BEGAIN: variants seen among roughly 807,000 people sequenced by gnomAD.
BEGAIN encodes brain enriched guanylate kinase associated, also known as brain-enriched guanylate kinase-associated protein.
In BEGAIN, 19 loss-of-function variants were observed where a neutral mutation model predicts 35.8. The observed-to-expected ratio is 0.53, with a 90% CI of 0.37 to 0.78. BEGAIN has a LOEUF of 0.78. BEGAIN is among the 30% of genes least tolerant of loss of function. The pLI is 0.00. For synonymous variants in BEGAIN, 462 were observed against 388.6 expected, an observed-to-expected ratio of 1.19 and a Z score of -2.22; for missense variants, 795 against 853.6, an observed-to-expected ratio of 0.93 and a Z score of 0.85.
rs1281517998 is a variant in BEGAIN, at chr14:100,568,314, G to T, written c.43-375C>A. On this transcript the variant is annotated intron_variant, in intron 1 of 6. Coordinates refer to ENST00000554140, the MANE Select transcript of BEGAIN (RefSeq NM_001385089.1). The surrounding 1 kb of genome is among the most constrained non-coding windows in gnomAD (Gnocchi z 7.5). ...CGGCCGCGGCCCCGCTGCTCCCCCC[G>T]CCCCGCCCGTTAACCCTTCCTGCCC... 5.5e-6 allele frequency: 1 copy of T among 181,738 alleles called. No homozygotes were observed. Among genetic ancestry groups the T allele is most frequent in the South Asian group, 5.3e-5 (1 of 18,862 alleles). The allele number at this position is 181,738 out of a possible 1,614,324, so 11.3% of individuals were successfully genotyped here. A position where few individuals can be genotyped will look rare whatever the true frequency, so the allele number is the denominator to read the frequency against.
At chr14:100,565,599 C>A (rs992069663) in intron 2 of BEGAIN, among the ~76,000 whole-genome samples, 1 of 152,136 alleles carries the variant, frequency 6.6e-6, no homozygotes, top group Non-Finnish European at 1.5e-5. Flanking sequence ...ACAGACCCAG[C>A]CTGTGATGTG....
chr14:100,583,665 T>C (rs1038510365), intron 1 of BEGAIN, among the ~76,000 whole-genome samples: 17 of 150,488 alleles, frequency 1.1e-4, no homozygotes, highest in Admixed American at 2.7e-4. Context: ...TTTTCTTTCT[T>C]TCTCTCTCTC....
chr14:100,550,807 C>T (rs186583863), intron 2 of BEGAIN, among the ~76,000 whole-genome samples: 228 of 152,338 alleles, frequency 1.5e-3, no homozygotes, highest in African/African-American at 5.2e-3. Flanking sequence ...ACTGGTCACT[C>T]GCTCAGTGCC....
intron 1 of BEGAIN, chr14:100,578,054 T>A: frequency 2.5e-6 from 1 of 398,284 alleles, no homozygotes; most frequent in Non-Finnish European, 4.4e-6. Flanking sequence ...GGGCTGTGCC[T>A]CCCGTCCTCA....
At chr14:100,584,800 A>G (rs1313175824) in intron 1 of BEGAIN, among the ~76,000 whole-genome samples, 4 of 152,126 alleles carry the variant, frequency 2.6e-5, no homozygotes, top group Non-Finnish European at 5.9e-5. Context: ...ACCTCCGTCC[A>G]GGCCTCTCCA....
chr14:100,563,553 G>C lies in BEGAIN; in HGVS notation c.71+4358C>G, dbSNP rs1415956184. 1.3e-5 allele frequency among the ~76,000 whole-genome samples: 2 copies of C among 152,240 alleles called. No individual in the cohort carries two copies. Among genetic ancestry groups the C allele is most frequent in the Non-Finnish European group, 2.9e-5 (2 of 68,050 alleles). Reference sequence around the variant, plus strand: ...AACACCTTGGTAGAAAATGCGCACGGCCTTCGCCGGTGAGGAAACCCAGCG... The same window carrying C: ...AACACCTTGGTAGAAAATGCGCACGCCCTTCGCCGGTGAGGAAACCCAGCG... On this transcript the variant is annotated intron_variant, in intron 2 of 6. Coordinates refer to ENST00000554140, the MANE Select transcript of BEGAIN (RefSeq NM_001385089.1). This position sits in a 1 kb window ranked among gnomAD's most constrained non-coding sequence, Gnocchi z 4.2.
chr14:100,546,650 C>T lies in BEGAIN; in HGVS notation c.84G>A (p.Glu28=). The change falls in exon 3 of 7, where the codon GAG becomes GAA. Residue 28 remains glutamate, a synonymous_variant. Coordinates refer to ENST00000554140, the MANE Select transcript of BEGAIN (RefSeq NM_001385089.1). ...GCCGCTTGCGCAGCTCGCCCTTCTG[C>T]TCCTGCAGCGCGCTGCAACGACATG... The part of the protein sequence containing the change: ...ADMEKLSALQ[E]QKGELRKRLS... 1 of 1,569,812 alleles carries T rather than the reference C, an allele frequency of 6.4e-7. No homozygotes were observed.
In BEGAIN at chr14:100,568,931, C is replaced by CT; in HGVS notation, c.43-993dup. The stretch of plus-strand genomic sequence containing the variant: ...GACTGATGACTGCCCATCCCGGCCC[C>CT]TCGCGCCGGGCGCCGCCGCCGCGTC... On this transcript the variant is annotated intron_variant, in intron 1 of 6. Transcript: ENST00000554140. The surrounding 1 kb of genome is among the most constrained non-coding windows in gnomAD (Gnocchi z 7.5). 7 of 983,914 alleles carry CT rather than the reference C, an allele frequency of 7.1e-6. No homozygotes were observed. The highest frequency in any genetic ancestry group is 8.4e-6 in the Non-Finnish European group (7 of 829,506). The allele number at this position is 983,914 out of a possible 1,614,324, so 60.9% of individuals were successfully genotyped here. A position where few individuals can be genotyped will look rare whatever the true frequency, so the allele number is the denominator to read the frequency against.
Position 100,538,622 on chromosome 14 carries a change from C to A in BEGAIN, c.1186G>T (p.Ala396Ser). The change falls in exon 7 of 7, where the codon GCC becomes TCC. Residue 396 changes from alanine (A) to serine (S), a missense_variant. Ala to Ser is a moderately conservative substitution (Grantham distance 99, BLOSUM62 1). Coordinates refer to ENST00000554140, the MANE Select transcript of BEGAIN (RefSeq NM_001385089.1). Reference protein sequence around the residue: ...GFGRTMSPYPAETFRFPASPG... With the variant: ...GFGRTMSPYPSETFRFPASPG... ...GAGGCCGGGAAGCGGAAGGTCTCGG[C>A]CGGGTACGGTGACATGGTCCGCCCG... is the stretch of plus-strand genomic sequence containing the variant. The A allele has an allele frequency of 6.5e-7, 1 of 1,549,136 alleles. No individual in the cohort carries two copies. The highest frequency in any genetic ancestry group is 8.7e-7 in the Non-Finnish European group (1 of 1,146,120).
Position 100,567,807 on chromosome 14 carries a change from C to T in BEGAIN, c.71+104G>A. ...AGCCCCGCCGAGGCCGCCCGCGGGC[C>T]CTGGGGGATGCGCTCGGGTGGAGCC... On this transcript the variant is annotated intron_variant, in intron 2 of 6. Transcript: ENST00000554140. The surrounding 1 kb of genome is among the most constrained non-coding windows in gnomAD (Gnocchi z 5.1). 3.2e-6 allele frequency: 4 copies of T among 1,247,772 alleles called. No homozygotes were observed. Among genetic ancestry groups the T allele is most frequent in the Admixed American group, 3.1e-5 (1 of 32,042 alleles). 77.3% of individuals were successfully genotyped at this position (1,247,772 alleles called of 1,614,324 possible).
At position 100,558,308 on chromosome 14, in the gene BEGAIN, C is replaced by T. The variant is rs781265889; in HGVS notation, c.71+9603G>A. On this transcript the variant is annotated intron_variant, in intron 2 of 6. Transcript: ENST00000554140. This position sits in a 1 kb window ranked among gnomAD's most constrained non-coding sequence, Gnocchi z 4.6. ...CGAACTGGTCCTGTCTCAGCCTTCA[C>T]CTGACCTGCGCCCTCAGCAGCCAGG... Among the ~76,000 whole-genome samples the T allele has an allele frequency of 1.3e-5, 2 of 152,204 alleles. No homozygotes were observed. Among genetic ancestry groups the T allele is most frequent in the African/African-American group, 4.8e-5 (2 of 41,438 alleles).
chr14:100,579,034 T>C (rs2035263153), intron 1 of BEGAIN, among the ~76,000 whole-genome samples: 1 of 152,276 alleles, frequency 6.6e-6, no homozygotes, highest in East Asian at 1.9e-4. Flanking sequence ...CTAATTTTTG[T>C]ATTTTTTGTA....
chr14:100,564,869 C>T (rs1056030130), intron 2 of BEGAIN, among the ~76,000 whole-genome samples: 8 of 152,228 alleles, frequency 5.3e-5, no homozygotes, highest in Admixed American at 5.2e-4. Flanking sequence ...CTCCCCACCC[C>T]TTACCTGTCT....
At chr14:100,539,652 C>T (rs1374868744) in intron 6 of BEGAIN, among the ~76,000 whole-genome samples, 1 of 152,042 alleles carries the variant, frequency 6.6e-6, no homozygotes, top group African/African-American at 2.4e-5. Context: ...GGCTCCACCC[C>T]CCGCCACCCC....
At chr14:100,557,592 A>G (rs112444358) in intron 2 of BEGAIN, among the ~76,000 whole-genome samples, 1,658 of 152,212 alleles carry the variant, frequency 0.011, 52 homozygotes, top group African/African-American at 0.038. Flanking sequence ...TGACGGCATT[A>G]TGGCCTCCTC....
chr14:100,586,707 C>A lies in BEGAIN; in HGVS notation c.42+542G>T, dbSNP rs1187519900. ...GGAGGATAGTACCTGCCGCGAGGTA[C>A]TGAATGGGATGGTGGTGTCCGAGGT... On this transcript the variant is annotated intron_variant, in intron 1 of 6. Transcript: ENST00000554140. This position sits in a 1 kb window ranked among gnomAD's most constrained non-coding sequence, Gnocchi z 4.9. Among the ~76,000 whole-genome samples the A allele has an allele frequency of 1.3e-5, 2 of 152,226 alleles. No homozygotes were observed. The highest frequency in any genetic ancestry group is 4.8e-5 in the African/African-American group (2 of 41,470).
At chr14:100,569,542 G>C (rs1273836820) in intron 1 of BEGAIN, 1 of 153,200 alleles carries the variant, frequency 6.5e-6, no homozygotes, top group African/African-American at 2.4e-5. Context: ...GTCTTTCCTG[G>C]CCCTTTCCCC....
chr14:100,554,206 T>C (rs2033482330), intron 2 of BEGAIN, among the ~76,000 whole-genome samples: 1 of 152,120 alleles, frequency 6.6e-6, no homozygotes, highest in African/African-American at 2.4e-5. Flanking sequence ...GCTGAGCAGG[T>C]TCCTGGAGGC....
rs989554598 is a variant in BEGAIN at position 100,586,687 on chromosome 14, A to C, written c.42+562T>G. On this transcript the variant is annotated intron_variant, in intron 1 of 6. Coordinates refer to ENST00000554140, the MANE Select transcript of BEGAIN (RefSeq NM_001385089.1). This position sits in a 1 kb window ranked among gnomAD's most constrained non-coding sequence, Gnocchi z 4.9. The stretch of plus-strand genomic sequence containing the variant: ...TCCTCGCCTGTAAAGGGGCAGGAGG[A>C]TAGTACCTGCCGCGAGGTACTGAAT... Among the ~76,000 whole-genome samples, 4 of 152,154 alleles carry C rather than the reference A, an allele frequency of 2.6e-5. No homozygotes were observed. The highest frequency in any genetic ancestry group is 5.9e-5 in the Non-Finnish European group (4 of 68,022).
Sources: gnomAD v4.1 joint callset for allele counts (sites outside exome capture counted in the v4.1 genomes callset) on GRCh38, gnomAD v4.1.1 for gene constraint, Gnocchi (gnomAD v3.1) non-coding constraint, MANE v1.5 for transcripts, NCBI Gene and HGNC (gene_info 2026-07-23, HGNC 2026-07-21) for gene names.